RBBP5: variants seen among roughly 807,000 people sequenced by gnomAD.
RBBP5 encodes RB binding protein 5, histone lysine methyltransferase complex subunit.
Under a neutral mutation model 72.2 loss-of-function variants are expected in RBBP5, and 5 were observed. The observed-to-expected ratio is 0.07, with a 90% CI of 0.04 to 0.15. The LOEUF is 0.15. RBBP5 is among the 10% of genes least tolerant of loss of function. RBBP5 has a pLI of 1.00. For synonymous variants in RBBP5, 209 were observed against 237.2 expected, an observed-to-expected ratio of 0.88 and a Z score of 1.09; for missense variants, 322 against 652.2, an observed-to-expected ratio of 0.49 and a Z score of 5.51.
At chr1:205,101,343 G>A (rs1356015880) in intron 6 of RBBP5, among the ~76,000 whole-genome samples, 13 of 152,142 alleles carry the variant, frequency 8.5e-5, no homozygotes, top group Admixed American at 8.5e-4. Flanking sequence ...CTATATGCCA[G>A]GCATTTTGGT....
chr1:205,118,170 T>C (rs1206797160), intron 1 of RBBP5, among the ~76,000 whole-genome samples: 1 of 152,160 alleles, frequency 6.6e-6, no homozygotes, highest in Admixed American at 6.5e-5. Context: ...GGTTCCCTAT[T>C]ATACACAGCT....
intron 3 of RBBP5, among the ~76,000 whole-genome samples, chr1:205,110,067 G>A (rs552530099): frequency 2.2e-4 from 34 of 151,406 alleles, no homozygotes; most frequent in African/African-American, 7.0e-4. Flanking sequence ...ACAGGGTCTC[G>A]CTCTGTCGCC....
intron 13 of RBBP5, chr1:205,091,321 G>C (rs1655340804): frequency 6.6e-6 from 1 of 152,240 alleles, no homozygotes; most frequent in Non-Finnish European, 1.5e-5. Flanking sequence ...CTGTCCTCTG[G>C]AGAGTATTTA....
Position 205,099,244 on chromosome 1 carries a change from G to C in RBBP5, c.979-138C>G. On this transcript the variant is annotated intron_variant, in intron 9 of 13. Coordinates refer to ENST00000264515, the MANE Select transcript of RBBP5 (RefSeq NM_005057.4). The surrounding 1 kb of genome is among the most constrained non-coding windows in gnomAD (Gnocchi z 4.7). ...AAATTTGGCAGACAAGAAAAAAATG[G>C]GTATCTGTAAGTTTTACTAGCTTAG... The C allele has an allele frequency of 3.8e-6, 2 of 531,728 alleles. No individual in the cohort carries two copies. Among genetic ancestry groups the C allele is most frequent in the Non-Finnish European group, 6.3e-6 (2 of 316,490 alleles). 32.9% of individuals were successfully genotyped at this position (531,728 alleles called of 1,614,324 possible). A position where few individuals can be genotyped will look rare whatever the true frequency, so the allele number is the denominator to read the frequency against.
intron 4 of RBBP5, 120 bp downstream of exon 4, chr1:205,104,908 T>G (rs999449000): frequency 2.2e-5 from 24 of 1,112,474 alleles, no homozygotes; most frequent in Non-Finnish European, 3.1e-5. Context: ...TTATTTTATG[T>G]AGAAGGTTTG....
chr1:205,100,114 A>AT lies in RBBP5; in HGVS notation c.752+37dup, dbSNP rs768135736. The AT allele has an allele frequency of 1.7e-5, 27 of 1,614,008 alleles. No homozygotes were observed. The South Asian group carries it at 2.9e-4, about 17-fold the overall frequency. ...GAGAGCTGGAACTCAAGCCCAGGTC[A>AT]TGAATGATCACATATTCTTCTAGGT... On this transcript the variant is annotated intron_variant, in intron 7 of 13. Transcript: ENST00000264515.
chr1:205,101,656 T>C lies in RBBP5; in HGVS notation c.576A>G (p.Thr192=), dbSNP rs1164737134. ...SQDLVASFRV[T]TGTSNTTAIK... The stretch of plus-strand genomic sequence containing the variant: ...TGGCTGTGGTATTGCTTGTTCCAGT[T>C]GTCACTCTGAAGGAAGCAACAAGAT... The change falls in exon 6 of 14, where the codon ACA becomes ACG. Residue 192 remains threonine (T), a synonymous_variant. Coordinates refer to ENST00000264515, the MANE Select transcript of RBBP5 (RefSeq NM_005057.4). 1 of 1,613,846 alleles carries C rather than the reference T, an allele frequency of 6.2e-7. No homozygotes were observed. Among genetic ancestry groups the C allele is most frequent in the South Asian group, 1.1e-5 (1 of 90,996 alleles).
chr1:205,103,767 G>A (rs1197151226), intron 5 of RBBP5, 90 bp downstream of exon 5: 1 of 1,483,316 alleles, frequency 6.7e-7, no homozygotes, highest in African/African-American at 1.4e-5. Flanking sequence ...CTTAGTCCAA[G>A]AATAAAAACA....
At chr1:205,106,833 G>A (rs1020501272) in intron 3 of RBBP5, among the ~76,000 whole-genome samples, 2 of 151,786 alleles carry the variant, frequency 1.3e-5, no homozygotes, top group Non-Finnish European at 2.9e-5. Flanking sequence ...AAACAGATGG[G>A]GAAAAAAGCC....
chr1:205,121,890 C>A lies in RBBP5; in HGVS notation c.-17G>T. 1 of 1,610,346 alleles carries A rather than the reference C, an allele frequency of 6.2e-7. No individual in the cohort carries two copies. The highest frequency in any genetic ancestry group is 8.5e-7 in the Non-Finnish European group (1 of 1,179,964). ...GAGGTTCATCCCTGCGGACTGTGGCCGCCCGGTCTCAGCTCCGGCAACAAC... is the reference window on the plus strand; with the variant it reads ...GAGGTTCATCCCTGCGGACTGTGGCAGCCCGGTCTCAGCTCCGGCAACAAC... On this transcript the variant is annotated 5_prime_UTR_variant, in exon 1 of 14. Coordinates refer to ENST00000264515, the MANE Select transcript of RBBP5 (RefSeq NM_005057.4).
chr1:205,114,307 G>C (rs1434310238), intron 3 of RBBP5, among the ~76,000 whole-genome samples: 3 of 152,194 alleles, frequency 2.0e-5, no homozygotes, highest in African/African-American at 7.2e-5. Context: ...GAGAGCAAGA[G>C]TGAAATCAAT....
intron 3 of RBBP5, among the ~76,000 whole-genome samples, chr1:205,108,846 G>A (rs920168160): frequency 2.0e-5 from 3 of 152,056 alleles, no homozygotes; most frequent in Non-Finnish European, 4.4e-5. Flanking sequence ...GAATAAAAAC[G>A]GTATCGACCT....
intron 3 of RBBP5, among the ~76,000 whole-genome samples, chr1:205,111,006 G>C (rs1481733836): frequency 6.6e-6 from 1 of 152,180 alleles, no homozygotes; most frequent in Non-Finnish European, 1.5e-5. Flanking sequence ...GGAGGTTGCA[G>C]TGAGCCGAGA....
At chr1:205,111,748 C>A (rs1656322132) in intron 3 of RBBP5, among the ~76,000 whole-genome samples, 1 of 152,162 alleles carries the variant, frequency 6.6e-6, no homozygotes, top group African/African-American at 2.4e-5. Flanking sequence ...AATAAAAGCT[C>A]ATCATGTGAC....
chr1:205,114,606 T>C (rs1216313774), intron 3 of RBBP5, among the ~76,000 whole-genome samples, 183 bp downstream of exon 3: 1 of 152,162 alleles, frequency 6.6e-6, no homozygotes. Context: ...ACAATGAATT[T>C]CTCCCAAGAA....
At chr1:205,100,324 T>C (rs1216721336) in intron 6 of RBBP5, 53 bp from the exon 7 acceptor site, 11 of 1,592,136 alleles carry the variant, frequency 6.9e-6, no homozygotes, top group Non-Finnish European at 9.4e-6. Context: ...TGTTCCTTAG[T>C]ACTACAAAAC....
At chr1:205,119,234 A>C (rs1041704873) in intron 1 of RBBP5, among the ~76,000 whole-genome samples, 1 of 152,116 alleles carries the variant, frequency 6.6e-6, no homozygotes, top group Admixed American at 6.6e-5. Flanking sequence ...CTCTACTAAA[A>C]ATACAAAAAA....
At chr1:205,089,047 G>C (rs893324662) in intron 13 of RBBP5, among the ~76,000 whole-genome samples, 3 of 152,102 alleles carry the variant, frequency 2.0e-5, no homozygotes, top group African/African-American at 7.2e-5. Context: ...CTGTCCCAAA[G>C]GGTTGGGGGA....
intron 1 of RBBP5, among the ~76,000 whole-genome samples, chr1:205,118,758 T>A (rs566132933): frequency 1.5e-3 from 223 of 152,370 alleles, no homozygotes; most frequent in South Asian, 3.9e-3. Context: ...ATATATTTCT[T>A]ACTGTGATTT....
Sources: gnomAD v4.1 joint callset for allele counts (sites outside exome capture counted in the v4.1 genomes callset) on GRCh38, gnomAD v4.1.1 for gene constraint, Gnocchi (gnomAD v3.1) non-coding constraint, MANE v1.5 for transcripts, NCBI Gene and HGNC (gene_info 2026-07-23, HGNC 2026-07-21) for gene names.